Variants in MCPH1 observed in about 807,000 individuals in gnomAD.
MCPH1 encodes the protein microcephalin.
MCPH1 carries 104 observed loss-of-function variants against 84.5 expected under a neutral mutation model. That is an observed-to-expected ratio of 1.23 (90% CI 1.05 to 1.45). The LOEUF is 1.45. Among genes scored for constraint, MCPH1 ranks in the 40% most tolerant of loss-of-function variants. The pLI, the probability that MCPH1 is intolerant of heterozygous loss-of-function variation, is 0.00. For synonymous variants in MCPH1, 514 were observed against 366.8 expected, an observed-to-expected ratio of 1.40 and a Z score of -4.58; for missense variants, 1,498 against 1,005.7, an observed-to-expected ratio of 1.49 and a Z score of -6.62.
chr8:6,487,748 A>C (rs1810106787), intron 11 of MCPH1, among the ~76,000 whole-genome samples: 1 of 152,194 alleles, frequency 6.6e-6, no homozygotes, highest in African/African-American at 2.4e-5. Context: ...CTTGATTTCA[A>C]AGTCCTTTTT....
intron 13 of MCPH1, among the ~76,000 whole-genome samples, chr8:6,640,476 CT>C (rs1428654647): frequency 1.3e-5 from 2 of 152,118 alleles, no homozygotes; most frequent in African/African-American, 2.4e-5. Flanking sequence ...GTCTGAATAT[CT>C]TAGATAGGAG....
At chr8:6,484,579 T>C (rs1809629198) in intron 11 of MCPH1, among the ~76,000 whole-genome samples, 2 of 152,218 alleles carry the variant, frequency 1.3e-5, no homozygotes, top group African/African-American at 4.8e-5. Context: ...CGAATATTTG[T>C]AGCAGCCTTA....
At position 6,480,819 on chromosome 8, in the gene MCPH1, C is replaced by A; in HGVS notation, c.2079C>A (p.Arg693=). The A allele has an allele frequency of 6.2e-7, 1 of 1,614,214 alleles. No individual in the cohort carries two copies. The highest frequency in any genetic ancestry group is 8.5e-7 in the Non-Finnish European group (1 of 1,180,038). The change falls in exon 11 of 14, where the codon CGC becomes CGA. Residue 693 remains arginine (R), a synonymous_variant. Transcript: ENST00000344683. ...ACGTGCTTTCCGGGAAGCCACTTCG[C>A]ACCCTGAATGTGCTGCTGGGAATTG... is the stretch of plus-strand genomic sequence containing the variant. ...TTHVLSGKPL[R]TLNVLLGIAR...
chr8:6,477,691 C>A, intron 10 of MCPH1, 60 bp downstream of exon 10: 1 of 1,445,038 alleles, frequency 6.9e-7, no homozygotes, highest in South Asian at 1.1e-5. Context: ...CTCTTATACT[C>A]TAATTCTGGG....
intron 3 of MCPH1, among the ~76,000 whole-genome samples, chr8:6,429,934 A>T (rs1032981620): frequency 6.6e-6 from 1 of 152,192 alleles, no homozygotes; most frequent in African/African-American, 2.4e-5. Flanking sequence ...CAACCCTTGG[A>T]ATCACATGAA....
intron 12 of MCPH1, among the ~76,000 whole-genome samples, chr8:6,550,252 T>TG (rs1823394031): frequency 6.6e-6 from 1 of 152,126 alleles, no homozygotes; most frequent in South Asian, 2.1e-4. Context: ...GCGTCACTGA[T>TG]GCGCAGCTCA....
intron 12 of MCPH1, among the ~76,000 whole-genome samples, chr8:6,539,736 A>C (rs1372462617): frequency 2.6e-5 from 4 of 152,080 alleles, no homozygotes; most frequent in Non-Finnish European, 5.9e-5. Flanking sequence ...ACAGGCGCAC[A>C]CCACCATGCC....
intron 12 of MCPH1, among the ~76,000 whole-genome samples, chr8:6,560,108 T>G (rs1825299382): frequency 6.6e-6 from 1 of 152,254 alleles, no homozygotes; most frequent in Admixed American, 6.5e-5. Flanking sequence ...TGGTCTTAGT[T>G]TCCTTCCTGA....
rs114224523 is a variant in MCPH1 at position 6,627,006 on chromosome 8, C to T, written c.2452+5315C>T. 2.3e-3 allele frequency: 2,242 copies of T among 984,912 alleles called. 43 individuals are homozygous for T. The African/African-American group carries it at 0.036, about 16-fold the overall frequency. 61.0% of individuals were successfully genotyped at this position (984,912 alleles called of 1,614,324 possible). ...TGCCAAAAAAAAAAAAAAGTTTAGCCTCCGCCTGATTTTCTTATAACTTAT... is the reference window on the plus strand; with the variant it reads ...TGCCAAAAAAAAAAAAAAGTTTAGCTTCCGCCTGATTTTCTTATAACTTAT... On this transcript the variant is annotated intron_variant, in intron 13 of 13. Transcript: ENST00000344683.
chr8:6,406,806 C>T, intron 1 of MCPH1, 117 bp downstream of exon 1: 2 of 1,170,922 alleles, frequency 1.7e-6, no homozygotes, highest in Middle Eastern at 2.5e-4. Flanking sequence ...CCCTCGCTGC[C>T]TGTCTCCCCC....
intron 12 of MCPH1, among the ~76,000 whole-genome samples, chr8:6,617,861 G>C (rs1381078694): frequency 6.7e-6 from 1 of 149,282 alleles, no homozygotes; most frequent in Non-Finnish European, 1.5e-5. Context: ...ATGTCTGTCT[G>C]TCTGTCTGTC....
intron 3 of MCPH1, among the ~76,000 whole-genome samples, chr8:6,420,620 T>C (rs530456503): frequency 6.6e-6 from 1 of 152,172 alleles, no homozygotes; most frequent in Non-Finnish European, 1.5e-5. Flanking sequence ...TGAAATGGCT[T>C]ATTGATTTTT....
chr8:6,410,368 G>A (rs1484563536), intron 2 of MCPH1, among the ~76,000 whole-genome samples: 2 of 152,116 alleles, frequency 1.3e-5, no homozygotes, highest in Non-Finnish European at 2.9e-5. Context: ...AAAATAGGAT[G>A]GGCAAATGTA....
intron 13 of MCPH1, chr8:6,642,706 T>C (rs376878536): frequency 6.2e-6 from 3 of 480,394 alleles, no homozygotes; most frequent in East Asian, 8.1e-5. Context: ...CCCTGCCCAC[T>C]GAGTGTCCTG....
intron 12 of MCPH1, among the ~76,000 whole-genome samples, chr8:6,592,641 T>TTTTTTTTTTTTTTTG (rs1238168977): frequency 1.1e-4 from 12 of 107,424 alleles, no homozygotes; most frequent in East Asian, 6.7e-4. Context: ...TTTTTTTTTT[T>TTTTTTTTTTTTTTTG]TTGTTGCTGT....
chr8:6,567,103 G>T (rs2442538), intron 12 of MCPH1, among the ~76,000 whole-genome samples: 1 of 117,082 alleles, frequency 8.5e-6, no homozygotes, highest in African/African-American at 2.8e-5. Context: ...GCAAGGCCAT[G>T]GATAGTGCAC....
intron 13 of MCPH1, among the ~76,000 whole-genome samples, chr8:6,640,319 C>T (rs375950879): frequency 1.3e-5 from 2 of 152,064 alleles, no homozygotes; most frequent in Admixed American, 6.6e-5. Context: ...CTATTACTAA[C>T]GGTACATAAA....
At chr8:6,601,152 C>G (rs530359399) in intron 12 of MCPH1, among the ~76,000 whole-genome samples, 4 of 152,264 alleles carry the variant, frequency 2.6e-5, no homozygotes, top group African/African-American at 9.6e-5. Context: ...GTCCATAGAC[C>G]TCCCAGCTGT....
In MCPH1 at chr8:6,445,095, T is replaced by C. The variant is rs781463153; in HGVS notation, c.1373T>C (p.Met458Thr). ...SKKERTSIFE[M>T]SDFSCVGKKT... Reference sequence around the variant, plus strand: ...AAGGAGAGAACAAGCATATTTGAAATGTCTGATTTTTCCTGCGTTGGCAAA... The same window carrying C: ...AAGGAGAGAACAAGCATATTTGAAACGTCTGATTTTTCCTGCGTTGGCAAA... The change falls in exon 8 of 14, where the codon ATG becomes ACG. Residue 458 changes from methionine (M) to threonine (T), a missense_variant. Met to Thr is a moderately conservative substitution (Grantham distance 81). Transcript: ENST00000344683. The C allele has an allele frequency of 6.2e-7, 1 of 1,614,268 alleles. No homozygotes were observed. The highest frequency in any genetic ancestry group is 1.7e-5 in the Admixed American group (1 of 60,032).
Sources: allele counts gnomAD v4.1 joint callset (sites outside exome capture counted in the v4.1 genomes callset), GRCh38; gene constraint gnomAD v4.1.1; transcripts MANE v1.5; gene names NCBI Gene and HGNC (gene_info 2026-07-23, HGNC 2026-07-21).